CSMD3: variants seen among roughly 807,000 people sequenced by gnomAD.
CSMD3 encodes the protein CUB and Sushi multiple domains 3.
A neutral mutation model predicts 435.2 loss-of-function variants in CSMD3; 177 were observed. The observed-to-expected ratio is 0.41, with a 90% CI of 0.36 to 0.46. The LOEUF (loss-of-function observed/expected upper bound fraction) is 0.46, where lower values mean the gene tolerates loss of function less well. Among genes scored for constraint, CSMD3 ranks in the 20% least tolerant of loss-of-function variants. The pLI is 0.34. For missense variants in CSMD3, 4,265 were observed against 4,504.6 expected (o/e 0.95, Z 1.52); for synonymous variants, 1,656 against 1,520.5 (o/e 1.09, Z -2.07).
intron 21 of CSMD3, among the ~76,000 whole-genome samples, chr8:112,637,252 ATAAT>A (rs1304038599): frequency 1.3e-5 from 2 of 152,162 alleles, no homozygotes; most frequent in Non-Finnish European, 2.9e-5. Flanking sequence ...CACCTTCTGA[ATAAT>A]AAATTAAAAA....
chr8:112,794,112 T>C (rs1053808620), intron 13 of CSMD3, among the ~76,000 whole-genome samples: 1 of 151,988 alleles, frequency 6.6e-6, no homozygotes, highest in African/African-American at 2.4e-5. Flanking sequence ...CAATGCTATG[T>C]CTTTCTTTCT....
chr8:112,541,303 T>A (rs1249172657), intron 27 of CSMD3, among the ~76,000 whole-genome samples: 1 of 151,128 alleles, frequency 6.6e-6, no homozygotes, highest in Non-Finnish European at 1.5e-5. Flanking sequence ...TAATAGAAAA[T>A]AGAAAAACAA....
At chr8:112,438,154 C>T (rs534830067) in intron 32 of CSMD3, among the ~76,000 whole-genome samples, 1 of 152,194 alleles carries the variant, frequency 6.6e-6, no homozygotes, top group South Asian at 2.1e-4. Flanking sequence ...TTGAAATTTT[C>T]ATAGCATTTC....
At chr8:112,332,284 A>G (rs1056460476) in intron 45 of CSMD3, among the ~76,000 whole-genome samples, 1 of 147,756 alleles carries the variant, frequency 6.8e-6, no homozygotes, top group Non-Finnish European at 1.5e-5. Flanking sequence ...AGTGATCACC[A>G]TGAGTTCAAA....
chr8:112,331,543 AG>A (rs1293277698), intron 45 of CSMD3, among the ~76,000 whole-genome samples: 2 of 129,722 alleles, frequency 1.5e-5, no homozygotes, highest in African/African-American at 6.6e-5. Flanking sequence ...AAAGGAAGTT[AG>A]GTTAGAGAAA....
intron 1 of CSMD3, chr8:113,376,910 T>C (rs886311703): frequency 2.5e-6 from 4 of 1,577,128 alleles, no homozygotes; most frequent in Non-Finnish European, 3.5e-6. Flanking sequence ...AAAACAGCCG[T>C]GGTTGTGGGG....
At chr8:112,618,453 C>A (rs987922889) in intron 22 of CSMD3, among the ~76,000 whole-genome samples, 6 of 152,102 alleles carry the variant, frequency 3.9e-5, no homozygotes, top group African/African-American at 1.2e-4. Context: ...CTAAACCAGA[C>A]TTACAAATGA....
chr8:112,820,549 A>G (rs2079500201), intron 12 of CSMD3, among the ~76,000 whole-genome samples: 1 of 152,138 alleles, frequency 6.6e-6, no homozygotes, highest in Non-Finnish European at 1.5e-5. Context: ...TTAAAAAAAA[A>G]CTTCCTAGAT....
chr8:112,642,095 T>C (rs1042243716), intron 20 of CSMD3, among the ~76,000 whole-genome samples: 2 of 152,118 alleles, frequency 1.3e-5, no homozygotes, highest in African/African-American at 4.8e-5. Context: ...TATATATATA[T>C]CTGTATGACT....
chr8:113,396,326 TACTTAACC>T (rs950546907), intron 1 of CSMD3, among the ~76,000 whole-genome samples: 1 of 152,176 alleles, frequency 6.6e-6, no homozygotes, highest in Non-Finnish European at 1.5e-5. Context: ...AATGAAAACA[TACTTAACC>T]ACTTCAGTTA....
chr8:112,415,938 G>C (rs1436853587), intron 32 of CSMD3, among the ~76,000 whole-genome samples: 1 of 152,118 alleles, frequency 6.6e-6, no homozygotes, highest in African/African-American at 2.4e-5. Context: ...TAACTAACTT[G>C]CTTTTGCTTT....
At chr8:112,280,056 A>G (rs1286612641) in intron 59 of CSMD3, among the ~76,000 whole-genome samples, 1 of 152,108 alleles carries the variant, frequency 6.6e-6, no homozygotes, top group Non-Finnish European at 1.5e-5. Context: ...TGCAAACAAA[A>G]AGGAGCCCAG....
chr8:112,353,797 C>G (rs887209010), intron 38 of CSMD3, among the ~76,000 whole-genome samples: 1 of 152,026 alleles, frequency 6.6e-6, no homozygotes, highest in Non-Finnish European at 1.5e-5. Context: ...TACCAATTTA[C>G]CAAAACTTAC....
chr8:113,308,774 G>A (rs757251795), intron 2 of CSMD3, among the ~76,000 whole-genome samples: 1 of 152,048 alleles, frequency 6.6e-6, no homozygotes, highest in Non-Finnish European at 1.5e-5. Flanking sequence ...CCCCGTATAA[G>A]TGAACTTTAC....
At chr8:112,300,140 TTAAA>T (rs1457172331) in intron 53 of CSMD3, among the ~76,000 whole-genome samples, 6 of 147,338 alleles carry the variant, frequency 4.1e-5, no homozygotes, top group Admixed American at 1.4e-4. Flanking sequence ...TAATATATAT[TTAAA>T]TATTTTAAAT....
chr8:113,203,012 T>A (rs2092730498), intron 3 of CSMD3, among the ~76,000 whole-genome samples: 1 of 152,130 alleles, frequency 6.6e-6, no homozygotes. Context: ...GAGAAACCCA[T>A]ATTTTTTCAA....
Position 112,314,489 on chromosome 8 carries a change from T to C in CSMD3, c.7489A>G (p.Thr2497Ala), listed in dbSNP as rs746979067. 7 of 1,612,724 alleles carry C rather than the reference T, an allele frequency of 4.3e-6. No individual in the cohort carries two copies. In the East Asian group the frequency reaches 1.1e-4, roughly 26 times the overall value. The part of the protein sequence containing the change: ...SISVEKGYNI[T>A]MFVEFFQTEK... Reference sequence around the variant, plus strand: ...GTCTGGAAGAATTCTACAAACATGGTGATATTATAACCCTTTTCCACTGAA... The same window carrying C: ...GTCTGGAAGAATTCTACAAACATGGCGATATTATAACCCTTTTCCACTGAA... Residue 2497 changes from threonine to alanine, a missense_variant, in exon 48 of 71, where the codon ACC (threonine) becomes GCC (alanine). Thr to Ala is a moderately conservative substitution (Grantham distance 58, BLOSUM62 0). This residue lies in a region of CSMD3 where 3,255 missense variants were observed against 3,380.2 expected (regional missense o/e 0.96). Coordinates refer to ENST00000297405, the MANE Select transcript of CSMD3 (RefSeq NM_198123.2).
At chr8:112,728,840 T>C (rs1052438192) in intron 13 of CSMD3, among the ~76,000 whole-genome samples, 1 of 152,086 alleles carries the variant, frequency 6.6e-6, no homozygotes, top group Non-Finnish European at 1.5e-5. Context: ...ATGGACACCA[T>C]ACAATATCTA....
chr8:112,384,326 T>C (rs145667725), intron 36 of CSMD3, among the ~76,000 whole-genome samples: 2 of 152,298 alleles, frequency 1.3e-5, no homozygotes, highest in East Asian at 3.9e-4. Flanking sequence ...TACGTCACAG[T>C]GAAGGTCCTT....
Sources: allele counts gnomAD v4.1 joint callset (sites outside exome capture counted in the v4.1 genomes callset), GRCh38; gene constraint gnomAD v4.1.1; regional missense constraint gnomAD v4.1.1; transcripts MANE v1.5; gene names NCBI Gene and HGNC (gene_info 2026-07-23, HGNC 2026-07-21).